TMEM255A: variants seen among roughly 807,000 people sequenced by gnomAD.
The protein encoded by TMEM255A is transmembrane protein 255A.
In TMEM255A, 14 loss-of-function variants were observed where a neutral mutation model predicts 23.5. That is an observed-to-expected ratio of 0.60 (90% confidence interval 0.39 to 0.93). The LOEUF (loss-of-function observed/expected upper bound fraction) is 0.93, where lower values mean the gene tolerates loss of function less well. Among genes scored for constraint, TMEM255A ranks in the 40% least tolerant of loss-of-function variants. The pLI is 0.00. For synonymous variants in TMEM255A, 104 were observed against 100.3 expected (o/e 1.04, Z -0.22); for missense variants, 233 against 261.7 (o/e 0.89, Z 0.76).
chrX:120,285,157 C>T lies in TMEM255A; in HGVS notation c.482G>A (p.Cys161Tyr). The T allele has an allele frequency of 8.3e-7, 1 of 1,211,361 alleles. No homozygotes were observed. The highest frequency in any genetic ancestry group is 1.1e-6 in the Non-Finnish European group (1 of 895,173). ...ACAGTTGTAGAGGTCACAGCAGAAG[C>T]AGGTGTTGCCCCGGATGCGAGGTGT... ...FCTPRIRGNT[C>Y]FCCDLYNCGN... The change falls in exon 6 of 9, where the codon TGC (cysteine) becomes TAC (tyrosine). Residue 161 changes from cysteine (C) to tyrosine (Y), a missense_variant. By Grantham distance (194) the Cys-to-Tyr change is radical. Coordinates refer to ENST00000371369, the MANE Select transcript of TMEM255A (RefSeq NM_001104544.3).
intron 6 of TMEM255A, among the ~76,000 whole-genome samples, chrX:120,284,381 A>C (rs1409245322): frequency 9.0e-6 from 1 of 111,180 alleles, no homozygotes; most frequent in Admixed American, 9.5e-5. Context: ...TGCACTTGCT[A>C]TTCCCTCTGC....
At chrX:120,261,071 C>A in intron 8 of TMEM255A, 43 bp from the exon 9 acceptor site, 1 of 1,171,640 alleles carries the variant, frequency 8.5e-7, no homozygotes, top group Non-Finnish European at 1.1e-6. Flanking sequence ...AGTGAGTTTG[C>A]AATTCCCTGA....
rs112687251 is a variant in TMEM255A at position 120,277,443 on chromosome X, A to G, written c.513-396T>C. On this transcript the variant is annotated intron_variant, in intron 6 of 8. Coordinates refer to ENST00000371369, the MANE Select transcript of TMEM255A (RefSeq NM_001104544.3). ...TTTAAATTAAGTAAAATTAAGTAAA[A>G]AGAAAAATTCAGTTGGTAAGTCTCA... 2.5e-3 allele frequency among the ~76,000 whole-genome samples: 287 copies of G among 112,692 alleles called. 1 individual carries two copies. The highest frequency in any genetic ancestry group is 9.1e-3 in the Middle Eastern group (2 of 219).
At chrX:120,286,176 T>C in intron 5 of TMEM255A, among the ~76,000 whole-genome samples, 1 of 112,295 alleles carries the variant, frequency 8.9e-6, no homozygotes, top group Middle Eastern at 4.6e-3. Context: ...GTATTTGCCA[T>C]GGTGCCTTTG....
chrX:120,283,605 C>T (rs189486241), intron 6 of TMEM255A, among the ~76,000 whole-genome samples: 18 of 111,618 alleles, frequency 1.6e-4, no homozygotes, highest in Non-Finnish European at 2.3e-4. Context: ...GAAGGAAATA[C>T]GTGCATGACG....
chrX:120,302,348 CTA>C (rs2058038124), intron 2 of TMEM255A, among the ~76,000 whole-genome samples: 1 of 111,262 alleles, frequency 9.0e-6, no homozygotes, highest in Admixed American at 9.5e-5. Context: ...CACAGAGACT[CTA>C]AATCTTGGCT....
At chrX:120,261,112 G>A in intron 8 of TMEM255A, 84 bp from the exon 9 acceptor site, 1 of 1,086,631 alleles carries the variant, frequency 9.2e-7, no homozygotes, top group Non-Finnish European at 1.2e-6. Context: ...ATGAATATGG[G>A]CCAAAGCTTT....
At position 120,277,829 on chromosome X, in the gene TMEM255A, C is replaced by T. The variant is rs781932664; in HGVS notation, c.513-782G>A. Among the ~76,000 whole-genome samples the T allele has an allele frequency of 8.0e-5, 9 of 111,985 alleles. No individual in the cohort carries two copies. In the South Asian group the frequency reaches 3.4e-3, roughly 42 times the overall value. ...CCTGAAAGTCGCCTCCGTGGGGAGGCCTTTCTTGACCACTCTGTCCAAAGA... is the reference window on the plus strand; with the variant it reads ...CCTGAAAGTCGCCTCCGTGGGGAGGTCTTTCTTGACCACTCTGTCCAAAGA... On this transcript the variant is annotated intron_variant, in intron 6 of 8. Transcript: ENST00000371369.
At chrX:120,293,086 G>A (rs2057927850) in intron 3 of TMEM255A, among the ~76,000 whole-genome samples, 1 of 111,992 alleles carries the variant, frequency 8.9e-6, no homozygotes, top group South Asian at 3.8e-4. Flanking sequence ...ATATCGCTGG[G>A]GGAAAACATA....
intron 8 of TMEM255A, among the ~76,000 whole-genome samples, chrX:120,265,760 A>T (rs1362712552): frequency 2.7e-5 from 3 of 111,651 alleles, no homozygotes; most frequent in Non-Finnish European, 5.6e-5. Flanking sequence ...CTTCTCTTAA[A>T]GAGGTAAATG....
chrX:120,279,671 C>G (rs1603401342), intron 6 of TMEM255A, among the ~76,000 whole-genome samples: 2 of 112,560 alleles, frequency 1.8e-5, no homozygotes, highest in South Asian at 7.4e-4. Flanking sequence ...CGAATCCTGG[C>G]TCTGTCATCT....
At chrX:120,266,047 G>T (rs782731590) in intron 8 of TMEM255A, among the ~76,000 whole-genome samples, 1 of 106,677 alleles carries the variant, frequency 9.4e-6, no homozygotes, top group Non-Finnish European at 1.9e-5. Context: ...CCAGCTACTC[G>T]GGAGGCTGAG....
chrX:120,305,488 TGAG>T (rs2058058624), intron 1 of TMEM255A, among the ~76,000 whole-genome samples: 1 of 109,167 alleles, frequency 9.2e-6, no homozygotes, highest in African/African-American at 3.4e-5. Flanking sequence ...GTTTGGAGCA[TGAG>T]GAGGATGAAG....
chrX:120,268,445 A>G, intron 7 of TMEM255A, 58 bp from the exon 8 acceptor site: 1 of 972,775 alleles, frequency 1.0e-6, no homozygotes, highest in Non-Finnish European at 1.4e-6. Context: ...AGAATGGTTA[A>G]ATAAACTTAG....
intron 2 of TMEM255A, among the ~76,000 whole-genome samples, chrX:120,296,433 T>TATTCTATTCC (rs2057956327): frequency 9.7e-6 from 1 of 103,143 alleles, no homozygotes; most frequent in Non-Finnish European, 2.0e-5. Flanking sequence ...TATTCTATTC[T>TATTCTATTCC]ATTCCACTCC....
At chrX:120,274,035 A>C (rs1242132613) in intron 7 of TMEM255A, among the ~76,000 whole-genome samples, 6 of 112,437 alleles carry the variant, frequency 5.3e-5, no homozygotes, top group Admixed American at 9.4e-5. Flanking sequence ...AAAACTAAAC[A>C]AAACGTGGTC....
intron 7 of TMEM255A, among the ~76,000 whole-genome samples, chrX:120,269,196 G>A (rs1556018227): frequency 1.8e-5 from 2 of 110,428 alleles, no homozygotes. Flanking sequence ...ATGGTGGTGT[G>A]TGTAGCCCTT....
At chrX:120,277,156 G>T (rs1489692441) in intron 6 of TMEM255A, 109 bp from the exon 7 acceptor site, 20 of 589,144 alleles carry the variant, frequency 3.4e-5, no homozygotes, top group Non-Finnish European at 5.3e-5. Flanking sequence ...TGAAAAGACA[G>T]GTGGGCAGGT....
rs1355059511 is a variant in TMEM255A, at chrX:120,296,892, GAT to G, written c.202-2843_202-2842del. 1.5e-3 allele frequency among the ~76,000 whole-genome samples: 6 copies of G among 4,082 alleles called. 1 individual carries two copies. Among genetic ancestry groups the G allele is most frequent in the African/African-American group, 8.6e-3 (5 of 580 alleles). 3.5% of individuals were successfully genotyped at this position (4,082 alleles called of 115,157 possible). ...ATTATATATCATATATATTATATATGATATATATAATATTATATATATATTAT... is the reference window on the plus strand; with the variant it reads ...ATTATATATCATATATATTATATATGATATATAATATTATATATATATTAT... On this transcript the variant is annotated intron_variant, in intron 2 of 8. Coordinates refer to ENST00000371369, the MANE Select transcript of TMEM255A (RefSeq NM_001104544.3).
Sources: gnomAD v4.1 joint callset for allele counts (sites outside exome capture counted in the v4.1 genomes callset) on GRCh38, gnomAD v4.1.1 for gene constraint, MANE v1.5 for transcripts, NCBI Gene and HGNC (gene_info 2026-07-23, HGNC 2026-07-21) for gene names.